CNTNAP5: variants seen among roughly 807,000 people sequenced by gnomAD.
The protein encoded by CNTNAP5 is contactin associated protein family member 5, also known as contactin-associated protein-like 5.
A neutral mutation model predicts 150.2 loss-of-function variants in CNTNAP5; 72 were observed. That is an observed-to-expected ratio of 0.48 (90% CI 0.40 to 0.58). CNTNAP5 has a LOEUF of 0.58. CNTNAP5 is among the 20% of genes least tolerant of loss of function. The pLI, the probability that CNTNAP5 is intolerant of heterozygous loss-of-function variation, is 0.00. For synonymous variants in CNTNAP5, 672 were observed against 619.8 expected, an observed-to-expected ratio of 1.08 and a Z score of -1.25; for missense variants, 1,636 against 1,626.2, an observed-to-expected ratio of 1.01 and a Z score of -0.10.
At chr2:124,560,485 C>T (rs932001359) in intron 10 of CNTNAP5, among the ~76,000 whole-genome samples, 2 of 146,734 alleles carry the variant, frequency 1.4e-5, no homozygotes, top group Admixed American at 6.9e-5. Context: ...TGCCACTGCA[C>T]TCCAGCCTGG....
chr2:124,713,664 C>G (rs183365937), intron 13 of CNTNAP5, among the ~76,000 whole-genome samples: 119 of 152,130 alleles, frequency 7.8e-4, no homozygotes, highest in Non-Finnish European at 1.4e-3. Flanking sequence ...GCGTGAGCCA[C>G]CACGCTGGGC....
chr2:124,660,051 G>A (rs62171287), intron 13 of CNTNAP5, among the ~76,000 whole-genome samples: 33,910 of 137,284 alleles, frequency 0.25, 4,654 homozygotes, highest in Non-Finnish European at 0.32. Flanking sequence ...AGAAAGGAAG[G>A]AAGGAAGGAA....
intron 13 of CNTNAP5, among the ~76,000 whole-genome samples, chr2:124,687,948 A>T (rs1366164417): frequency 5.3e-5 from 8 of 152,264 alleles, no homozygotes; most frequent in Admixed American, 5.2e-4. Context: ...ACATTTTACT[A>T]GTACTAATTC....
chr2:124,122,711 C>G (rs747264021), intron 1 of CNTNAP5, among the ~76,000 whole-genome samples: 26 of 151,376 alleles, frequency 1.7e-4, no homozygotes, highest in Admixed American at 1.3e-4. Context: ...TGCTAATCTT[C>G]CTGTCCCAAT....
At chr2:124,704,362 AT>A (rs951047795) in intron 13 of CNTNAP5, among the ~76,000 whole-genome samples, 2 of 152,090 alleles carry the variant, frequency 1.3e-5, no homozygotes, top group African/African-American at 4.8e-5. Context: ...CTTTCTTCTG[AT>A]TTTTTAAAAG....
chr2:124,793,412 C>T (rs1228006451), intron 18 of CNTNAP5, among the ~76,000 whole-genome samples: 3 of 151,978 alleles, frequency 2.0e-5, no homozygotes, highest in South Asian at 2.1e-4. Flanking sequence ...AATAATTTGT[C>T]GTATGTTTGG....
intron 21 of CNTNAP5, among the ~76,000 whole-genome samples, chr2:124,893,436 T>C (rs961773831): frequency 6.6e-6 from 1 of 152,158 alleles, no homozygotes; most frequent in South Asian, 2.1e-4. Context: ...ATAAGAACTA[T>C]GGTAGTTCCA....
At position 124,762,823 on chromosome 2, in the gene CNTNAP5, C is replaced by T. The variant is rs544447958; in HGVS notation, c.2235-849C>T. Among the ~76,000 whole-genome samples, 61 of 152,248 alleles carry T rather than the reference C, an allele frequency of 4.0e-4. 1 individual carries two copies. In the South Asian group the frequency reaches 0.013, roughly 32 times the overall value. On this transcript the variant is annotated intron_variant, in intron 14 of 23. Coordinates refer to ENST00000682447, the MANE Select transcript of CNTNAP5 (RefSeq NM_001367498.1). ...TGACTTTAGGCCAGCTATCTAATAT[C>T]TCTGAGCCTCAGTTTCCTCATTTGA... is the stretch of plus-strand genomic sequence containing the variant.
At chr2:124,891,305 A>G (rs1276094303) in intron 21 of CNTNAP5, among the ~76,000 whole-genome samples, 1 of 152,074 alleles carries the variant, frequency 6.6e-6, no homozygotes, top group Non-Finnish European at 1.5e-5. Flanking sequence ...ACCTCTCCAC[A>G]GTCTCTCTAG....
At chr2:124,740,969 A>C (rs750713009) in intron 13 of CNTNAP5, among the ~76,000 whole-genome samples, 2 of 152,140 alleles carry the variant, frequency 1.3e-5, no homozygotes, top group Non-Finnish European at 2.9e-5. Flanking sequence ...GGAGCTACAC[A>C]AGTAGCAAGG....
chr2:124,728,020 T>C (rs1200326224), intron 13 of CNTNAP5, among the ~76,000 whole-genome samples: 1 of 152,088 alleles, frequency 6.6e-6, no homozygotes, highest in Non-Finnish European at 1.5e-5. Context: ...TGAAGCAATG[T>C]TGAATTTTGC....
chr2:124,670,135 T>TCCTTCCTC (rs1678783840), intron 13 of CNTNAP5, among the ~76,000 whole-genome samples: 1 of 114,502 alleles, frequency 8.7e-6, no homozygotes, highest in Non-Finnish European at 1.8e-5. Flanking sequence ...CTTCCTTCTT[T>TCCTTCCTC]CCTTCCTTCC....
At chr2:124,645,113 G>A (rs1678176871) in intron 12 of CNTNAP5, among the ~76,000 whole-genome samples, 1 of 152,036 alleles carries the variant, frequency 6.6e-6, no homozygotes, top group African/African-American at 2.4e-5. Flanking sequence ...ATTATTGATG[G>A]ATAAGATTTT....
At position 124,419,140 on chromosome 2, in the gene CNTNAP5, C is replaced by CAAAAAAAAGAAAAAAAA. The variant is rs1553466522; in HGVS notation, c.529+1558_529+1559insGAAAAAAAAAAAAAAAA. 6.9e-5 allele frequency among the ~76,000 whole-genome samples: 2 copies of CAAAAAAAAGAAAAAAAA among 28,908 alleles called. 1 individual carries two copies. Among genetic ancestry groups the CAAAAAAAAGAAAAAAAA allele is most frequent in the Non-Finnish European group, 1.3e-4 (2 of 15,132 alleles). 19.0% of individuals were successfully genotyped at this position (28,908 alleles called of 152,430 possible). On this transcript the variant is annotated intron_variant, in intron 4 of 23. Transcript: ENST00000682447. Reference sequence around the variant, plus strand: ...TGGGCGACAGAGCGAGACTCCTTCTCAAAAAAAAAAAAAAAAAAAAAAACA... The same window carrying CAAAAAAAAGAAAAAAAA: ...TGGGCGACAGAGCGAGACTCCTTCTCAAAAAAAAGAAAAAAAAAAAAAAAAAAAAAAAAAAAAAAACA...
intron 13 of CNTNAP5, among the ~76,000 whole-genome samples, chr2:124,706,916 G>GAGGAGA (rs1553433572): frequency 3.0e-4 from 9 of 30,028 alleles, no homozygotes; most frequent in African/African-American, 9.1e-4. Context: ...GGAGGAGGAG[G>GAGGAGA]AGAAGAAGAA....
At position 124,920,423 on chromosome 2, in the gene CNTNAP5, T is replaced by G. The variant is rs1464502262; in HGVS notation, c.*6135T>G. ...TATCACAAACATTTTACATGAAATA[T>G]TCACCTAGTCTATTCTCTTTGAAAG... On this transcript the variant is annotated 3_prime_UTR_variant, in exon 24 of 24. Coordinates refer to ENST00000682447, the MANE Select transcript of CNTNAP5 (RefSeq NM_001367498.1). Among the ~76,000 whole-genome samples, 1 of 152,144 alleles carries G rather than the reference T, an allele frequency of 6.6e-6. No homozygotes were observed. The highest frequency in any genetic ancestry group is 2.4e-5 in the African/African-American group (1 of 41,458).
intron 13 of CNTNAP5, among the ~76,000 whole-genome samples, chr2:124,706,733 T>G: frequency 7.8e-6 from 1 of 127,608 alleles, no homozygotes; most frequent in East Asian, 2.2e-4. Context: ...AGTGACAGAG[T>G]GAGACTCTGT....
At chr2:124,384,381 T>A (rs2104741285) in intron 3 of CNTNAP5, among the ~76,000 whole-genome samples, 1 of 152,314 alleles carries the variant, frequency 6.6e-6, no homozygotes, top group African/African-American at 2.4e-5. Context: ...GTAGGAAATT[T>A]GGAATTTCAC....
At position 124,356,577 on chromosome 2, in the gene CNTNAP5, G is replaced by A. The variant is rs547942740; in HGVS notation, c.382-60866G>A. On this transcript the variant is annotated intron_variant, in intron 3 of 23. Transcript: ENST00000682447. ...GCGGTGTTTGGTTTTTTGTTCTTGC[G>A]ATAGTTTACTGAGAATCATGATTTC... Among the ~76,000 whole-genome samples the A allele has an allele frequency of 1.4e-3, 217 of 151,130 alleles. 1 individual carries two copies. The Middle Eastern group carries it at 0.017, about 12-fold the overall frequency.
Sources: allele counts gnomAD v4.1 joint callset (sites outside exome capture counted in the v4.1 genomes callset), GRCh38; gene constraint gnomAD v4.1.1; transcripts MANE v1.5; gene names NCBI Gene and HGNC (gene_info 2026-07-23, HGNC 2026-07-21).